The following TLL1 variants were observed in gnomAD, a reference collection of about 807,000 sequenced individuals.
TLL1 encodes the protein tolloid like 1, also known as tolloid-like protein 1.
A neutral mutation model predicts 128.2 loss-of-function variants in TLL1; 49 were observed. The observed-to-expected ratio is 0.38, with a 90% confidence interval of 0.30 to 0.48. The LOEUF (loss-of-function observed/expected upper bound fraction) is 0.48, where lower values mean the gene tolerates loss of function less well. TLL1 is among the 20% of genes least tolerant of loss of function. TLL1 has a pLI of 0.96. For synonymous variants in TLL1, 454 were observed against 418.8 expected (o/e 1.08, Z -1.03); for missense variants, 1,123 against 1,242.0 (o/e 0.90, Z 1.44).
intron 1 of TLL1, among the ~76,000 whole-genome samples, chr4:165,927,218 A>G (rs1733314076): frequency 6.6e-6 from 1 of 152,346 alleles, no homozygotes; most frequent in African/African-American, 2.4e-5. Context: ...AAAGCAAATG[A>G]AGGACATTCA....
intron 1 of TLL1, among the ~76,000 whole-genome samples, chr4:165,981,690 A>G (rs1560788893): frequency 6.6e-6 from 1 of 152,082 alleles, no homozygotes; most frequent in Non-Finnish European, 1.5e-5. Flanking sequence ...TTGAAACAAC[A>G]CTGGCGGATT....
intron 1 of TLL1, among the ~76,000 whole-genome samples, chr4:165,911,153 T>A (rs1003571932): frequency 2.0e-5 from 3 of 152,170 alleles, no homozygotes; most frequent in African/African-American, 7.2e-5. Flanking sequence ...CTAACTGTGT[T>A]TTGTTGCCCA....
At chr4:166,081,338 T>C (rs1437173182) in intron 18 of TLL1, among the ~76,000 whole-genome samples, 7 of 152,222 alleles carry the variant, frequency 4.6e-5, no homozygotes, top group African/African-American at 1.4e-4. Flanking sequence ...CTGTGTTTTC[T>C]GAAGAAGGAT....
intron 2 of TLL1, among the ~76,000 whole-genome samples, chr4:165,990,987 T>C (rs924304408): frequency 6.6e-6 from 1 of 151,972 alleles, no homozygotes; most frequent in African/African-American, 2.4e-5. Context: ...AACACTGTCA[T>C]GGAGACAACG....
At chr4:165,919,832 A>T (rs1047892828) in intron 1 of TLL1, 1 of 455,972 alleles carries the variant, frequency 2.2e-6, no homozygotes, top group African/African-American at 2.0e-5. Context: ...CTTTACTTCC[A>T]GACTGACCAC....
intron 1 of TLL1, among the ~76,000 whole-genome samples, chr4:165,959,778 G>A (rs932656692): frequency 6.6e-6 from 1 of 152,080 alleles, no homozygotes; most frequent in Non-Finnish European, 1.5e-5. Context: ...AAATAAAAAA[G>A]TTATTTGAAA....
intron 1 of TLL1, among the ~76,000 whole-genome samples, chr4:165,877,003 C>A (rs1309702482): frequency 6.6e-6 from 1 of 152,204 alleles, no homozygotes; most frequent in African/African-American, 2.4e-5. Context: ...GTTCTCAATA[C>A]CTTCTCGATA....
intron 2 of TLL1, among the ~76,000 whole-genome samples, chr4:165,991,685 T>A (rs1736642602): frequency 6.6e-6 from 1 of 151,918 alleles, no homozygotes; most frequent in African/African-American, 2.4e-5. Flanking sequence ...AGCTTCAGTC[T>A]AGGTAATTAG....
intron 7 of TLL1, among the ~76,000 whole-genome samples, chr4:166,010,032 T>G (rs1049371250): frequency 1.3e-5 from 2 of 151,554 alleles, no homozygotes; most frequent in African/African-American, 4.8e-5. Flanking sequence ...GTTTATATAT[T>G]TGACTACTTT....
Position 166,102,174 on chromosome 4 carries a change from A to C in TLL1, c.*1298A>C, listed in dbSNP as rs1016305131. 1.3e-5 allele frequency: 2 copies of C among 152,496 alleles called. No individual in the cohort carries two copies. Among genetic ancestry groups the C allele is most frequent in the Non-Finnish European group, 2.9e-5 (2 of 67,944 alleles). The allele number at this position is 152,496 out of a possible 1,614,324, so 9.4% of individuals were successfully genotyped here. ...TTAGAATTCCTGCACATGATCAAAC[A>C]GATCCTCCTAAAACACACCTTTTGA... On this transcript the variant is annotated 3_prime_UTR_variant, in exon 21 of 21. Coordinates refer to ENST00000061240, the MANE Select transcript of TLL1 (RefSeq NM_012464.5).
At chr4:165,939,367 A>C (rs930248918) in intron 1 of TLL1, among the ~76,000 whole-genome samples, 5 of 152,072 alleles carry the variant, frequency 3.3e-5, no homozygotes, top group Non-Finnish European at 7.4e-5. Context: ...TGTGACTCTT[A>C]TGCCTCATGC....
At chr4:166,095,612 G>T (rs1340991432) in intron 19 of TLL1, among the ~76,000 whole-genome samples, 1 of 152,016 alleles carries the variant, frequency 6.6e-6, no homozygotes, top group Non-Finnish European at 1.5e-5. Context: ...GAAATTATTT[G>T]ATCTAAATCA....
intron 8 of TLL1, among the ~76,000 whole-genome samples, chr4:166,019,067 A>G (rs763446420): frequency 3.9e-5 from 6 of 152,196 alleles, no homozygotes; most frequent in Non-Finnish European, 5.9e-5. Flanking sequence ...GTGTCCATCA[A>G]TGGTGGGTTG....
chr4:165,896,545 T>A (rs1475626794), intron 1 of TLL1, among the ~76,000 whole-genome samples: 1 of 148,714 alleles, frequency 6.7e-6, no homozygotes, highest in Non-Finnish European at 1.5e-5. Flanking sequence ...TGCAGTGGCA[T>A]GATCTTGTCT....
intron 1 of TLL1, chr4:165,874,945 G>C (rs908538439): frequency 6.6e-6 from 1 of 152,352 alleles, no homozygotes; most frequent in Non-Finnish European, 1.5e-5. Flanking sequence ...CGCAGCGCCT[G>C]AGGGCGCCCA....
intron 2 of TLL1, among the ~76,000 whole-genome samples, 188 bp downstream of exon 2, chr4:165,989,679 A>C (rs1439247129): frequency 1.1e-5 from 1 of 93,374 alleles, no homozygotes; most frequent in Non-Finnish European, 2.4e-5. Flanking sequence ...TTTTTTTTTT[A>C]CCAAACAGGT....
intron 5 of TLL1, among the ~76,000 whole-genome samples, chr4:165,997,873 T>C (rs998565654): frequency 1.3e-5 from 2 of 152,234 alleles, no homozygotes; most frequent in African/African-American, 4.8e-5. Flanking sequence ...ATGATCTCTT[T>C]GATTCATCTT....
At chr4:165,967,644 A>G (rs1735450544) in intron 1 of TLL1, among the ~76,000 whole-genome samples, 1 of 152,204 alleles carries the variant, frequency 6.6e-6, no homozygotes, top group Non-Finnish European at 1.5e-5. Context: ...GTTGAGTGGC[A>G]TGCCAGAGGC....
chr4:165,878,637 C>A (rs1484088673), intron 1 of TLL1, among the ~76,000 whole-genome samples: 1 of 151,950 alleles, frequency 6.6e-6, no homozygotes. Flanking sequence ...CTTTTCTTTT[C>A]CTTTTTGTTT....
Sources: gnomAD v4.1 joint callset for allele counts (sites outside exome capture counted in the v4.1 genomes callset) on GRCh38, gnomAD v4.1.1 for gene constraint, MANE v1.5 for transcripts, NCBI Gene and HGNC (gene_info 2026-07-23, HGNC 2026-07-21) for gene names.